Variants in WDR45B observed in about 807,000 individuals in gnomAD.
WDR45B encodes the protein WD repeat domain 45B.
In WDR45B, 20 loss-of-function variants were observed where a neutral mutation model predicts 44.6. The observed-to-expected ratio is 0.45, with a 90% CI of 0.32 to 0.65. WDR45B has a LOEUF of 0.65. Ranked by LOEUF, WDR45B falls within the 30% of genes least tolerant of loss-of-function variation. The pLI, the probability that WDR45B is intolerant of heterozygous loss-of-function variation, is 0.05. For synonymous variants in WDR45B, 169 were observed against 164.9 expected, an observed-to-expected ratio of 1.02 and a Z score of -0.19; for missense variants, 323 against 430.2, an observed-to-expected ratio of 0.75 and a Z score of 2.20.
At chr17:82,648,247 C>T in intron 1 of WDR45B, 27 bp downstream of exon 1, 1 of 1,597,476 alleles carries the variant, frequency 6.3e-7, no homozygotes. Context: ...CCCGGCCGGG[C>T]AAGGCGACAG....
chr17:82,628,160 G>A (rs1359392664), intron 3 of WDR45B, among the ~76,000 whole-genome samples: 2 of 152,106 alleles, frequency 1.3e-5, no homozygotes, highest in Admixed American at 6.5e-5. Flanking sequence ...GCCCAGCTAA[G>A]TTTTGTATTT....
At chr17:82,632,917 T>G (rs1026338813) in intron 2 of WDR45B, among the ~76,000 whole-genome samples, 3 of 151,966 alleles carry the variant, frequency 2.0e-5, no homozygotes, top group Non-Finnish European at 4.4e-5. Flanking sequence ...GCCTGTAATC[T>G]CAGCACTTTG....
In WDR45B at chr17:82,615,476, T is replaced by G. The variant is rs936539420; in HGVS notation, c.*443A>C. On this transcript the variant is annotated 3_prime_UTR_variant, in exon 10 of 10. Transcript: ENST00000392325. The stretch of plus-strand genomic sequence containing the variant: ...GCTGCTGGTGTTGTATTCAATCTGC[T>G]TATCATGTAAGAACTTACATCTGCA... 1.3e-5 allele frequency: 3 copies of G among 226,042 alleles called. No individual in the cohort carries two copies. In the Admixed American group the frequency reaches 1.5e-4, roughly 12 times the overall value. 14.0% of individuals were successfully genotyped at this position (226,042 alleles called of 1,614,324 possible).
intron 2 of WDR45B, among the ~76,000 whole-genome samples, chr17:82,635,369 G>C (rs1235760605): frequency 6.6e-6 from 1 of 150,548 alleles, no homozygotes; most frequent in African/African-American, 2.5e-5. Flanking sequence ...TAAACTACAT[G>C]ATCTTAGGCT....
chr17:82,642,344 C>T (rs1354921698), intron 2 of WDR45B, among the ~76,000 whole-genome samples: 1 of 152,212 alleles, frequency 6.6e-6, no homozygotes, highest in Admixed American at 6.5e-5. Context: ...GCACGCTCCT[C>T]CTGAGACTCT....
intron 6 of WDR45B, among the ~76,000 whole-genome samples, chr17:82,621,204 C>G (rs1391067718): frequency 1.3e-5 from 2 of 152,156 alleles, no homozygotes; most frequent in African/African-American, 4.8e-5. Flanking sequence ...CAGGTACACA[C>G]CACCATGCCT....
chr17:82,625,344 A>G, intron 5 of WDR45B, 45 bp downstream of exon 5: 1 of 1,578,528 alleles, frequency 6.3e-7, no homozygotes, highest in South Asian at 1.1e-5. Flanking sequence ...AGGCATCTCC[A>G]TGTGGACCCA....
chr17:82,644,454 G>A, intron 1 of WDR45B: 2 of 226,648 alleles, frequency 8.8e-6, no homozygotes, highest in Non-Finnish European at 1.8e-5. Context: ...GGAAGGTGAG[G>A]AAAGGATGCT....
chr17:82,616,004 T>C lies in WDR45B; in HGVS notation c.950A>G (p.Tyr317Cys), dbSNP rs1306669156. The change falls in exon 10 of 10, where the codon TAC becomes TGC. Residue 317 changes from tyrosine to cysteine, a missense_variant. Physicochemically the swap from Tyr to Cys is radical, Grantham distance 194. Transcript: ENST00000392325. Reference protein sequence around the residue: ...AVIAICADGSYYKFLFNPKGE... With the variant: ...AVIAICADGSCYKFLFNPKGE... ...CTTGGGGTTGAACAGGAATTTGTAG[T>C]AGCTGCCGTCTGCACAAATTGCTGG... 6.2e-7 allele frequency: 1 copy of C among 1,613,974 alleles called. No homozygotes were observed. Among genetic ancestry groups the C allele is most frequent in the Non-Finnish European group, 8.5e-7 (1 of 1,179,980 alleles).
intron 1 of WDR45B, among the ~76,000 whole-genome samples, chr17:82,647,193 T>C (rs72852075): frequency 0.013 from 1,606 of 120,118 alleles, 17 homozygotes; most frequent in South Asian, 0.035. Flanking sequence ...CGCACCAGGC[T>C]GGGCGACAGA....
intron 5 of WDR45B, among the ~76,000 whole-genome samples, chr17:82,622,195 G>A (rs982169198): frequency 2.0e-5 from 3 of 152,064 alleles, no homozygotes; most frequent in Non-Finnish European, 1.5e-5. Context: ...TTAAAAAACG[G>A]AGGAATAAGT....
At chr17:82,616,099 G>A (rs1342179176) in intron 9 of WDR45B, 74 bp from the exon 10 acceptor site, 2 of 1,365,958 alleles carry the variant, frequency 1.5e-6, no homozygotes, top group African/African-American at 1.4e-5. Flanking sequence ...CCACTGAGCT[G>A]AACTGCAAAG....
Position 82,648,409 on chromosome 17 carries a change from CT to C in WDR45B, c.-70del. 1 of 1,562,686 alleles carries C rather than the reference CT, an allele frequency of 6.4e-7. No homozygotes were observed. The highest frequency in any genetic ancestry group is 8.7e-7 in the Non-Finnish European group (1 of 1,154,662). On this transcript the variant is annotated 5_prime_UTR_variant, in exon 1 of 10. Transcript: ENST00000392325. Reference sequence around the variant, plus strand: ...CTCGCTGGGGACGGCGGCCTGGTCCCTTCGGGCCGGCGCTGAGGCCGCCGCG... The same window carrying C: ...CTCGCTGGGGACGGCGGCCTGGTCCCTCGGGCCGGCGCTGAGGCCGCCGCG...
At position 82,636,082 on chromosome 17, in the gene WDR45B, C is replaced by T. The variant is rs186554371; in HGVS notation, c.143-5060G>A. On this transcript the variant is annotated intron_variant, in intron 2 of 9. Transcript: ENST00000392325. ...AGCCTGGGCAACAAGAGTGAAACTT[C>T]GTCTCTCAAATAAATACATAAATAA... is the stretch of plus-strand genomic sequence containing the variant. Among the ~76,000 whole-genome samples the T allele has an allele frequency of 5.7e-3, 854 of 150,608 alleles. 11 individuals carry two copies. Among genetic ancestry groups the T allele is most frequent in the African/African-American group, 0.02 (815 of 40,752 alleles).
At position 82,620,572 on chromosome 17, in the gene WDR45B, G is replaced by C. The variant is rs557583092; in HGVS notation, c.618+1037C>G. 1.8e-4 allele frequency among the ~76,000 whole-genome samples: 27 copies of C among 152,364 alleles called. 1 individual carries two copies. The highest frequency in any genetic ancestry group is 2.5e-4 in the Non-Finnish European group (17 of 68,032). On this transcript the variant is annotated intron_variant, in intron 6 of 9. Coordinates refer to ENST00000392325, the MANE Select transcript of WDR45B (RefSeq NM_019613.4). ...AGTGACCCTGGCACTGGCACCGCGT[G>C]AAAGGGTAGGAGCAGGGCCGCACTG...
At chr17:82,632,571 G>A (rs1053420405) in intron 2 of WDR45B, among the ~76,000 whole-genome samples, 2 of 152,198 alleles carry the variant, frequency 1.3e-5, no homozygotes, top group Admixed American at 1.3e-4. Flanking sequence ...GGAGCAACAG[G>A]GGCACACTGA....
chr17:82,619,769 C>A (rs190261041), intron 6 of WDR45B, among the ~76,000 whole-genome samples: 1 of 152,254 alleles, frequency 6.6e-6, no homozygotes, highest in East Asian at 1.9e-4. Flanking sequence ...ATCTTTATAT[C>A]CTTCAACCCA....
At chr17:82,626,552 A>AAAAAAAAG in intron 4 of WDR45B, among the ~76,000 whole-genome samples, 1 of 135,328 alleles carries the variant, frequency 7.4e-6, no homozygotes, top group African/African-American at 2.6e-5. Context: ...AAAAAAAAAA[A>AAAAAAAAG]AAAAAAGGGC....
chr17:82,616,757 A>G, intron 8 of WDR45B, 112 bp from the exon 9 acceptor site: 1 of 1,386,740 alleles, frequency 7.2e-7, no homozygotes, highest in Non-Finnish European at 1.0e-6. Context: ...ATATGGTTTG[A>G]GCTTTAATGA....
Sources: allele counts gnomAD v4.1 joint callset (sites outside exome capture counted in the v4.1 genomes callset), GRCh38; gene constraint gnomAD v4.1.1; transcripts MANE v1.5; gene names NCBI Gene and HGNC (gene_info 2026-07-23, HGNC 2026-07-21).